The following ZNF236 variants were observed in gnomAD, a reference collection of about 807,000 sequenced individuals.
ZNF236 encodes zinc finger protein 236.
A neutral mutation model predicts 191.2 loss-of-function variants in ZNF236; 50 were observed. That is an observed-to-expected ratio of 0.26 (90% CI 0.21 to 0.33). The LOEUF (loss-of-function observed/expected upper bound fraction) is 0.33, where lower values mean the gene tolerates loss of function less well. ZNF236 is among the 10% of genes least tolerant of loss of function. The pLI, the probability that ZNF236 is intolerant of heterozygous loss-of-function variation, is 1.00. For synonymous variants in ZNF236, 907 were observed against 928.8 expected (o/e 0.98, Z 0.43); for missense variants, 1,754 against 2,374.5 (o/e 0.74, Z 5.43).
At chr18:76,905,904 G>A (rs1259088850) in intron 13 of ZNF236, among the ~76,000 whole-genome samples, 1 of 152,200 alleles carries the variant, frequency 6.6e-6, no homozygotes, top group Non-Finnish European at 1.5e-5. Context: ...ATGATTGGAA[G>A]GCTAGCTCGT....
At chr18:76,872,367 A>C (rs142221862) in intron 5 of ZNF236, among the ~76,000 whole-genome samples, 3 of 152,312 alleles carry the variant, frequency 2.0e-5, no homozygotes, top group East Asian at 3.9e-4. Flanking sequence ...TGTAGCCCTG[A>C]AGTGGGAGGA....
chr18:76,958,659 T>C (rs1968585033), intron 28 of ZNF236, among the ~76,000 whole-genome samples: 1 of 152,150 alleles, frequency 6.6e-6, no homozygotes, highest in Admixed American at 6.5e-5. Flanking sequence ...GGGGGAGGAA[T>C]GCACTCTAGC....
chr18:76,913,381 A>G (rs1967268703), intron 17 of ZNF236, among the ~76,000 whole-genome samples: 2 of 152,236 alleles, frequency 1.3e-5, no homozygotes, highest in South Asian at 2.1e-4. Context: ...GGAAGGATTC[A>G]TAGTGTCTAA....
chr18:76,830,261 T>A (rs949125831), intron 1 of ZNF236, among the ~76,000 whole-genome samples: 22 of 152,222 alleles, frequency 1.4e-4, no homozygotes, highest in Non-Finnish European at 2.8e-4. Context: ...TTATGAGATT[T>A]TTCCTGTTGC....
rs1967181711 is a variant in ZNF236 at position 76,910,225 on chromosome 18, A to C, written c.2653+56A>C. The C allele has an allele frequency of 2.1e-6, 3 of 1,428,414 alleles. No homozygotes were observed. In the East Asian group the frequency reaches 7.0e-5, roughly 33 times the overall value. 88.5% of individuals were successfully genotyped at this position (1,428,414 alleles called of 1,614,324 possible). On this transcript the variant is annotated intron_variant, in intron 15 of 30. Transcript: ENST00000320610. ...AGTGAGCTATACTTCAGTTGAATTT[A>C]ATCTCATGACAACCTTACATGTTTT...
At position 76,972,790 on chromosome 18, in the gene ZNF236, A is replaced by G. The variant is rs1968927073; in HGVS notation, c.*4451A>G. On this transcript the variant is annotated 3_prime_UTR_variant, in exon 31 of 31. Transcript: ENST00000320610. ...CACAATTGTTTCATGATCTATTTAT[A>G]CATTGGATGATATTTATTTAATCCA... Among the ~76,000 whole-genome samples, 2 of 152,204 alleles carry G rather than the reference A, an allele frequency of 1.3e-5. No homozygotes were observed. Among genetic ancestry groups the G allele is most frequent in the African/African-American group, 4.8e-5 (2 of 41,440 alleles).
intron 27 of ZNF236, among the ~76,000 whole-genome samples, chr18:76,951,413 C>T (rs574176797): frequency 7.4e-4 from 112 of 152,332 alleles, no homozygotes; most frequent in Non-Finnish European, 1.3e-3. Flanking sequence ...TGCTGCTTCA[C>T]CTTGCACTGC....
At chr18:76,877,536 A>G (rs940439878) in intron 6 of ZNF236, among the ~76,000 whole-genome samples, 3 of 152,142 alleles carry the variant, frequency 2.0e-5, no homozygotes, top group East Asian at 3.8e-4. Context: ...AGTTGTTGAT[A>G]CAGAATATCA....
Position 76,957,442 on chromosome 18 carries a change from C to T in ZNF236, c.5112+1260C>T, listed in dbSNP as rs1048150790. 5.3e-5 allele frequency among the ~76,000 whole-genome samples: 8 copies of T among 152,320 alleles called. No individual in the cohort carries two copies. The East Asian group carries it at 1.5e-3, about 29-fold the overall frequency. On this transcript the variant is annotated intron_variant, in intron 28 of 30. Coordinates refer to ENST00000320610, the MANE Select transcript of ZNF236 (RefSeq NM_001306089.2). ...CCAGGTCCCTCCAGGGGCTGGTGAGCCCCGAGACCCTCAGTCCTCCCTCTC... is the reference window on the plus strand; with the variant it reads ...CCAGGTCCCTCCAGGGGCTGGTGAGTCCCGAGACCCTCAGTCCTCCCTCTC...
intron 14 of ZNF236, among the ~76,000 whole-genome samples, chr18:76,909,140 C>T (rs1276570859): frequency 2.0e-5 from 3 of 151,818 alleles, no homozygotes; most frequent in Admixed American, 6.6e-5. Flanking sequence ...TATGGTGAAA[C>T]CGTATCTCTA....
At position 76,937,232 on chromosome 18, in the gene ZNF236, C is replaced by T. The variant is rs746315365; in HGVS notation, c.4671C>T (p.Val1557=). The change falls in exon 26 of 31, where the codon GTC becomes GTT. Residue 1557 remains valine (V), a synonymous_variant. Coordinates refer to ENST00000320610, the MANE Select transcript of ZNF236 (RefSeq NM_001306089.2). ...CGGCCATCTCGACTCAGAACCTGGT[C>T]ATGTCCTCGTCGGGCGTGGGAGGTG... ...SPSAISTQNL[V]MSSSGVGGDA... is the part of the protein sequence containing the mutation. 1.2e-6 allele frequency: 2 copies of T among 1,614,178 alleles called. No individual in the cohort carries two copies. Among genetic ancestry groups the T allele is most frequent in the Admixed American group, 1.7e-5 (1 of 60,030 alleles).
intron 27 of ZNF236, among the ~76,000 whole-genome samples, chr18:76,952,238 A>G (rs1326285482): frequency 6.6e-6 from 1 of 152,252 alleles, no homozygotes; most frequent in Admixed American, 6.5e-5. Flanking sequence ...CAAAAAAAGC[A>G]AAGTTCAATG....
chr18:76,959,954 C>A (rs755483725), intron 29 of ZNF236, 138 bp downstream of exon 29: 77 of 1,100,720 alleles, frequency 7.0e-5, no homozygotes, highest in Non-Finnish European at 9.3e-5. Flanking sequence ...TGTTCCATTT[C>A]TCCTGAGTTT....
At chr18:76,856,961 T>C (rs1163410601) in intron 3 of ZNF236, among the ~76,000 whole-genome samples, 2 of 152,210 alleles carry the variant, frequency 1.3e-5, no homozygotes, top group Non-Finnish European at 2.9e-5. Context: ...CAGATCCTCA[T>C]ACATGCAGAG....
At chr18:76,923,672 C>T (rs1044558430) in intron 21 of ZNF236, among the ~76,000 whole-genome samples, 5 of 152,108 alleles carry the variant, frequency 3.3e-5, no homozygotes, top group African/African-American at 9.7e-5. Flanking sequence ...TGCCTCCTAG[C>T]GGTGGGGAGG....
At chr18:76,938,475 A>G (rs1025587405) in intron 26 of ZNF236, among the ~76,000 whole-genome samples, 5 of 152,210 alleles carry the variant, frequency 3.3e-5, no homozygotes, top group African/African-American at 1.2e-4. Context: ...CAAGAAAAAC[A>G]GATGTTGGCA....
At chr18:76,865,712 TA>T (rs1976387278) in intron 3 of ZNF236, among the ~76,000 whole-genome samples, 1 of 152,168 alleles carries the variant, frequency 6.6e-6, no homozygotes, top group African/African-American at 2.4e-5. Context: ...GAAATAGGAC[TA>T]AAATTGCTTC....
At chr18:76,832,633 T>C (rs1208473573) in intron 1 of ZNF236, among the ~76,000 whole-genome samples, 1 of 152,114 alleles carries the variant, frequency 6.6e-6, no homozygotes, top group Non-Finnish European at 1.5e-5. Flanking sequence ...TATGCTATTC[T>C]GAGTCTTGGT....
intron 2 of ZNF236, among the ~76,000 whole-genome samples, chr18:76,851,566 G>A (rs958940482): frequency 5.3e-5 from 8 of 152,208 alleles, no homozygotes; most frequent in African/African-American, 1.9e-4. Context: ...GTGTATGTAT[G>A]TGTTTTCATC....
Sources: allele counts gnomAD v4.1 joint callset (sites outside exome capture counted in the v4.1 genomes callset), GRCh38; gene constraint gnomAD v4.1.1; transcripts MANE v1.5; gene names NCBI Gene and HGNC (gene_info 2026-07-23, HGNC 2026-07-21).